Variants in ZNF69 observed in about 807,000 individuals in gnomAD.
The protein encoded by ZNF69 is ZNF3.
ZNF69 carries 47 observed loss-of-function variants against 50.9 expected under a neutral mutation model. The ratio of observed to expected loss-of-function variants is 0.92; its 90% CI spans 0.73 to 1.18. The LOEUF (loss-of-function observed/expected upper bound fraction) is 1.18. ZNF69 is among the 50% of genes most tolerant of loss of function. The pLI, the probability that ZNF69 is intolerant of heterozygous loss-of-function variation, is 0.00. For missense variants in ZNF69, 717 were observed against 675.1 expected (o/e 1.06, Z -0.69); for synonymous variants, 216 against 223.1 (o/e 0.97, Z 0.29).
chr19:11,924,455 GAAAGA>G, the ZNF69 span, among the ~76,000 whole-genome samples: 1 of 148,214 alleles, frequency 6.7e-6, no homozygotes, highest in Non-Finnish European at 1.5e-5. Context: ...AAAAAAGAAA[GAAAGA>G]AAAGAAAATG....
chr19:11,929,609 A>G, the ZNF69 span, among the ~76,000 whole-genome samples: 1 of 148,250 alleles, frequency 6.7e-6, no homozygotes, highest in African/African-American at 2.6e-5. Flanking sequence ...ATTCGATTTC[A>G]GGGTCCTTAG....
chr19:11,929,254 C>T, the ZNF69 span, among the ~76,000 whole-genome samples: 271 of 148,596 alleles, frequency 1.8e-3, 37 homozygotes, highest in African/African-American at 6.7e-3. Flanking sequence ...GCCTCCGCCT[C>T]CTGGGTTCAA....
chr19:11,966,534 T>C, the ZNF69 span, among the ~76,000 whole-genome samples: 18 of 152,064 alleles, frequency 1.2e-4, 1 homozygote, highest in Non-Finnish European at 2.9e-5. Context: ...CCACCATGCC[T>C]GGCTAATTTT....
At chr19:11,928,211 C>G in the ZNF69 span, among the ~76,000 whole-genome samples, 1 of 152,132 alleles carries the variant, frequency 6.6e-6, no homozygotes, top group African/African-American at 2.4e-5. Flanking sequence ...GTCTCTGGCT[C>G]CTGGCCTCAA....
chr19:11,892,813 C>G (rs1217275549), intron 1 of ZNF69, among the ~76,000 whole-genome samples: 1 of 152,068 alleles, frequency 6.6e-6, no homozygotes, highest in African/African-American at 2.4e-5. Flanking sequence ...GATCCACCAG[C>G]TTAAATATTT....
chr19:11,980,072 A>G, the ZNF69 span: 3 of 1,062,080 alleles, frequency 2.8e-6, no homozygotes, highest in East Asian at 2.9e-5. Context: ...CTATGAGTGT[A>G]AGCAATGTGG....
At chr19:11,976,250 C>T in the ZNF69 span, among the ~76,000 whole-genome samples, 1 of 151,584 alleles carries the variant, frequency 6.6e-6, no homozygotes. Context: ...TCATAGGACT[C>T]TATTACGACA....
the ZNF69 span, among the ~76,000 whole-genome samples, chr19:11,939,724 G>A: frequency 6.6e-6 from 1 of 152,090 alleles, no homozygotes; most frequent in Non-Finnish European, 1.5e-5. Flanking sequence ...GCCTCCTAAA[G>A]TACTGGAATT....
the ZNF69 span, among the ~76,000 whole-genome samples, chr19:11,936,603 G>A: frequency 6.6e-6 from 1 of 152,040 alleles, no homozygotes; most frequent in Non-Finnish European, 1.5e-5. Context: ...TTGTTGGATG[G>A]GTAGATTGCA....
chr19:11,979,623 C>T, the ZNF69 span: 1 of 1,605,844 alleles, frequency 6.2e-7, no homozygotes, highest in Non-Finnish European at 8.5e-7. Context: ...GGAGAGAAAC[C>T]CTATGAGTGT....
chr19:11,904,429 G>A (rs944806166), intron 3 of ZNF69, among the ~76,000 whole-genome samples: 12 of 152,136 alleles, frequency 7.9e-5, no homozygotes, highest in Non-Finnish European at 1.5e-4. Context: ...AGTTTACATG[G>A]GAAGAGTATT....
chr19:11,905,703 A>G lies in ZNF69; in HGVS notation c.1306A>G (p.Arg436Gly), dbSNP rs778452184. 2 of 1,613,986 alleles carry G rather than the reference A, an allele frequency of 1.2e-6. No homozygotes were observed. Among genetic ancestry groups the G allele is most frequent in the South Asian group, 1.1e-5 (1 of 91,072 alleles). Residue 436 changes from arginine (R) to glycine (G), a missense_variant, in exon 4 of 4, where the codon AGG becomes GGG. Transcript: ENST00000429654. ...RSSSHLQLHGRTHTGEKPYEC... is the reference protein window; with the variant it reads ...RSSSHLQLHGGTHTGEKPYEC... ...TTCCTCACACCTTCAATTGCATGGT[A>G]GGACTCACACTGGAGAGAAGCCCTA...
At position 11,903,364 on chromosome 19, in the gene ZNF69, C is replaced by A. The variant is rs577892525; in HGVS notation, c.64-209C>A. Among the ~76,000 whole-genome samples, 6 of 151,948 alleles carry A rather than the reference C, an allele frequency of 3.9e-5. No individual in the cohort carries two copies. The East Asian group carries it at 9.7e-4, about 24-fold the overall frequency. ...GAACCCCGGCAGTGAGCCGAGATCA[C>A]GCCATTGCACTCCAGCCTGGGCAAT... is the stretch of plus-strand genomic sequence containing the variant. On this transcript the variant is annotated intron_variant, in intron 1 of 3. Coordinates refer to ENST00000429654, the MANE Select transcript of ZNF69 (RefSeq NM_001364730.1).
At chr19:11,922,584 T>TC in the ZNF69 span, among the ~76,000 whole-genome samples, 748 of 152,310 alleles carry the variant, frequency 4.9e-3, 3 homozygotes, top group Middle Eastern at 6.8e-3. Flanking sequence ...GTTTAAGTTT[T>TC]CTCCTCCCAT....
chr19:11,904,546 A>G (rs1408346829), intron 3 of ZNF69, 103 bp from the exon 4 acceptor site: 6 of 1,456,950 alleles, frequency 4.1e-6, no homozygotes, highest in African/African-American at 2.9e-5. Context: ...CAGAAAGCCT[A>G]CACTTTGATG....
the ZNF69 span, among the ~76,000 whole-genome samples, chr19:11,944,051 G>C: frequency 6.6e-6 from 1 of 152,110 alleles, no homozygotes; most frequent in African/African-American, 2.4e-5. Context: ...TCCACCATGG[G>C]CACAAGGGGG....
the ZNF69 span, among the ~76,000 whole-genome samples, chr19:11,959,524 A>G: frequency 6.6e-6 from 1 of 152,156 alleles, no homozygotes; most frequent in Non-Finnish European, 1.5e-5. Flanking sequence ...ACATAATGTT[A>G]CCATTAATAC....
downstream of ZNF69, among the ~76,000 whole-genome samples, chr19:11,917,157 GTC>G (rs1189614253): frequency 6.6e-6 from 1 of 152,190 alleles, no homozygotes; most frequent in East Asian, 1.9e-4. Context: ...AACTCATGGA[GTC>G]TCTGCTAACT....
chr19:11,945,189 C>T, the ZNF69 span, among the ~76,000 whole-genome samples: 7 of 152,210 alleles, frequency 4.6e-5, no homozygotes. Flanking sequence ...GAAAGGCTCA[C>T]TGTTGTTGGG....
Sources: allele counts gnomAD v4.1 joint callset (sites outside exome capture counted in the v4.1 genomes callset), GRCh38; gene constraint gnomAD v4.1.1; transcripts MANE v1.5; gene names NCBI Gene and HGNC (gene_info 2026-07-23, HGNC 2026-07-21).